The following RPS6KA2 variants were observed in gnomAD, a reference collection of about 807,000 sequenced individuals.
RPS6KA2 encodes ribosomal protein S6 kinase alpha-2.
In RPS6KA2, 42 loss-of-function variants were observed where a neutral mutation model predicts 91.8. The observed-to-expected ratio is 0.46, with a 90% CI of 0.36 to 0.59. The LOEUF (loss-of-function observed/expected upper bound fraction) is 0.59, where lower values mean the gene tolerates loss of function less well. RPS6KA2 is among the 20% of genes least tolerant of loss of function. The pLI is 0.00. For missense variants in RPS6KA2, 798 were observed against 978.5 expected (o/e 0.82, Z 2.46); for synonymous variants, 414 against 393.6 (o/e 1.05, Z -0.61).
intron 2 of RPS6KA2, among the ~76,000 whole-genome samples, chr6:166,832,920 T>A (rs901153544): frequency 5.3e-5 from 8 of 152,248 alleles, no homozygotes; most frequent in Admixed American, 3.3e-4. Context: ...CACATTAAAA[T>A]GTCTCATTGC....
chr6:166,715,802 C>A (rs950546865), intron 2 of RPS6KA2, among the ~76,000 whole-genome samples: 2 of 152,100 alleles, frequency 1.3e-5, no homozygotes, highest in African/African-American at 4.8e-5. Context: ...CTTTGGGAGG[C>A]CGAGGCAGGC....
intron 2 of RPS6KA2, among the ~76,000 whole-genome samples, chr6:166,779,307 T>G (rs1436481259): frequency 6.6e-6 from 1 of 152,222 alleles, no homozygotes; most frequent in African/African-American, 2.4e-5. Flanking sequence ...GAGACTGCCT[T>G]CCGTCCAGTA....
rs369012322 is a variant in RPS6KA2, at chr6:166,508,055, GCACA to G, written c.459+144_459+147del. 3.7e-5 allele frequency: 21 copies of G among 572,802 alleles called. No individual in the cohort carries two copies. Among genetic ancestry groups the G allele is most frequent in the African/African-American group, 3.5e-4 (17 of 49,072 alleles). 35.5% of individuals were successfully genotyped at this position (572,802 alleles called of 1,614,324 possible). On this transcript the variant is annotated intron_variant, in intron 5 of 20. Transcript: ENST00000265678. This position sits in a 1 kb window ranked among gnomAD's most constrained non-coding sequence, Gnocchi z 4.3. Reference sequence around the variant, plus strand: ...ACACCTCTCCCACACACGCACTCTTGCACACACTCACACATGCACACACCCCCAC... The same window carrying G: ...ACACCTCTCCCACACACGCACTCTTGCACTCACACATGCACACACCCCCAC...
intron 2 of RPS6KA2, among the ~76,000 whole-genome samples, chr6:166,736,327 C>T (rs917352876): frequency 6.6e-6 from 1 of 152,200 alleles, no homozygotes; most frequent in Admixed American, 6.5e-5. Flanking sequence ...TCTCAAGAGT[C>T]CCGTGGCATC....
intron 3 of RPS6KA2, among the ~76,000 whole-genome samples, chr6:166,522,989 T>C (rs1782910612): frequency 6.6e-6 from 1 of 152,252 alleles, no homozygotes; most frequent in Non-Finnish European, 1.5e-5. Context: ...AGAGAATCTT[T>C]GTCAGAAAAA....
rs76689497 is a variant in RPS6KA2, at chr6:166,546,886, C to G, written c.100-8102G>C. Among the ~76,000 whole-genome samples the G allele has an allele frequency of 6.5e-3, 990 of 152,264 alleles. 10 individuals are homozygous for G. The highest frequency in any genetic ancestry group is 0.023 in the African/African-American group (959 of 41,538). On this transcript the variant is annotated intron_variant, in intron 1 of 20. Coordinates refer to ENST00000265678, the MANE Select transcript of RPS6KA2 (RefSeq NM_021135.6). ...ACTAGGATGTAAAGAAAACGCACATCCCAAGAGTGCCCAGCTGTTGGGAAC... is the reference window on the plus strand; with the variant it reads ...ACTAGGATGTAAAGAAAACGCACATGCCAAGAGTGCCCAGCTGTTGGGAAC...
intron 2 of RPS6KA2, among the ~76,000 whole-genome samples, chr6:166,667,027 G>T (rs925527833): frequency 6.6e-6 from 1 of 152,198 alleles, no homozygotes; most frequent in African/African-American, 2.4e-5. Context: ...TTCCGCTTAC[G>T]TGAGGTACCG....
intron 2 of RPS6KA2, among the ~76,000 whole-genome samples, chr6:166,774,438 G>C (rs1262683023): frequency 6.6e-6 from 1 of 152,160 alleles, no homozygotes; most frequent in Non-Finnish European, 1.5e-5. Context: ...TCTTTACCCA[G>C]CGAGCGTCCC....
Position 166,813,543 on chromosome 6 carries a change from G to T in RPS6KA2, c.123+44657C>A, listed in dbSNP as rs185639928. ...CAGAAGTGGATTGTCTTGCATTCTG[G>T]ATGCTAGAACCCTAAAATCAATGTG... On this transcript the variant is annotated intron_variant, in intron 2 of 21. Transcript: ENST00000503859. Among the ~76,000 whole-genome samples the T allele has an allele frequency of 2.7e-3, 404 of 152,290 alleles. 5 individuals are homozygous for T. Among genetic ancestry groups the T allele is most frequent in the African/African-American group, 9.2e-3 (381 of 41,550 alleles).
rs141071274 is a variant in RPS6KA2, at chr6:166,455,122, C to G, written c.1076-3889G>C. On this transcript the variant is annotated intron_variant, in intron 12 of 20. Transcript: ENST00000265678. ...CTTTGTCTCTCAGCACTTCTTCCCC[C>G]CCTCGTCTGTTTAGGTGCTGTACTT... Among the ~76,000 whole-genome samples the G allele has an allele frequency of 9.9e-3, 1,511 of 152,222 alleles. 10 individuals carry two copies. The highest frequency in any genetic ancestry group is 0.015 in the Non-Finnish European group (991 of 68,026).
chr6:166,541,140 C>T (rs1350115697), intron 1 of RPS6KA2, among the ~76,000 whole-genome samples: 1 of 152,130 alleles, frequency 6.6e-6, no homozygotes, highest in Admixed American at 6.5e-5. Flanking sequence ...AATGCGACGC[C>T]CACACTATGA....
intron 2 of RPS6KA2, among the ~76,000 whole-genome samples, chr6:166,647,929 CGCACATGCTCATACACACACAT>C (rs1787686015): frequency 1.3e-5 from 2 of 149,918 alleles, no homozygotes; most frequent in Non-Finnish European, 3.0e-5. Flanking sequence ...CTCACACACA[CGCACATGCTCATACACACACAT>C]GCACATGCTT....
In RPS6KA2 at chr6:166,510,310, C is replaced by A; in HGVS notation, c.346G>T (p.Val116Leu). The A allele has an allele frequency of 1.9e-6, 3 of 1,603,524 alleles. No individual in the cohort carries two copies. The highest frequency in any genetic ancestry group is 2.6e-6 in the Non-Finnish European group (3 of 1,173,640). ...SKMERDILAE[V>L]NHPFIVKLHY... Reference sequence around the variant, plus strand: ...AGCTTCACAATGAAGGGGTGATTCACTTCTGCCAAGATGTCTCTCTCCATC... The same window carrying A: ...AGCTTCACAATGAAGGGGTGATTCAATTCTGCCAAGATGTCTCTCTCCATC... Residue 116 changes from valine to leucine, a missense_variant, in exon 4 of 21, where the codon GTG becomes TTG. Coordinates refer to ENST00000265678, the MANE Select transcript of RPS6KA2 (RefSeq NM_021135.6).
intron 2 of RPS6KA2, among the ~76,000 whole-genome samples, chr6:166,779,138 C>T (rs548846117): frequency 1.2e-3 from 179 of 152,278 alleles, no homozygotes; most frequent in African/African-American, 4.1e-3. Context: ...CGTAATCTAA[C>T]GGTTCCTTGG....
chr6:166,768,409 C>T (rs1778376859), intron 2 of RPS6KA2, among the ~76,000 whole-genome samples: 3 of 152,270 alleles, frequency 2.0e-5, no homozygotes, highest in Admixed American at 6.5e-5. Context: ...CCATGAAAGA[C>T]GCTGACCGCT....
chr6:166,612,480 G>A lies in RPS6KA2; in HGVS notation c.99+14441C>T, dbSNP rs961371726. On this transcript the variant is annotated intron_variant, in intron 1 of 20. Transcript: ENST00000265678. This position sits in a 1 kb window ranked among gnomAD's most constrained non-coding sequence, Gnocchi z 4.3. ...CTCCTGCAGACCCCTGGCTCCCCTCGCGGGCTTGCAACCAGGCACTCTTCC... is the reference window on the plus strand; with the variant it reads ...CTCCTGCAGACCCCTGGCTCCCCTCACGGGCTTGCAACCAGGCACTCTTCC... Among the ~76,000 whole-genome samples the A allele has an allele frequency of 3.3e-5, 5 of 152,114 alleles. No homozygotes were observed. Among genetic ancestry groups the A allele is most frequent in the African/African-American group, 4.8e-5 (2 of 41,440 alleles).
rs187053184 is a variant in RPS6KA2, at chr6:166,557,051, G to A, written c.100-18267C>T. On this transcript the variant is annotated intron_variant, in intron 1 of 20. Transcript: ENST00000265678. The surrounding 1 kb of genome is among the most constrained non-coding windows in gnomAD (Gnocchi z 4.8). ...GCAACCAGACCACGGGGCATTAGCCGGGGCTGACTCATCACATCCCGCCTC... is the reference window on the plus strand; with the variant it reads ...GCAACCAGACCACGGGGCATTAGCCAGGGCTGACTCATCACATCCCGCCTC... Among the ~76,000 whole-genome samples the A allele has an allele frequency of 1.7e-3, 259 of 152,316 alleles. No individual in the cohort carries two copies. Among genetic ancestry groups the A allele is most frequent in the Non-Finnish European group, 2.9e-3 (196 of 68,026 alleles).
At chr6:166,529,184 A>G (rs527346521) in intron 3 of RPS6KA2, among the ~76,000 whole-genome samples, 19 of 152,386 alleles carry the variant, frequency 1.2e-4, no homozygotes, top group East Asian at 7.7e-4. Flanking sequence ...ATGTCCATCA[A>G]TGATAGACTG....
At chr6:166,819,915 T>C (rs902595569) in intron 2 of RPS6KA2, among the ~76,000 whole-genome samples, 3 of 152,200 alleles carry the variant, frequency 2.0e-5, no homozygotes, top group African/African-American at 4.8e-5. Flanking sequence ...ATAATTTTCC[T>C]ATAAGGCCAA....
Sources: gnomAD v4.1 joint callset for allele counts (sites outside exome capture counted in the v4.1 genomes callset) on GRCh38, gnomAD v4.1.1 for gene constraint, Gnocchi (gnomAD v3.1) non-coding constraint, MANE v1.5 for transcripts, NCBI Gene and HGNC (gene_info 2026-07-23, HGNC 2026-07-21) for gene names.